Variants in DLG2 observed in about 807,000 individuals in gnomAD.
DLG2 encodes discs large MAGUK scaffold protein 2, also known as disks large homolog 2.
A neutral mutation model predicts 132.5 loss-of-function variants in DLG2; 45 were observed. That is an observed-to-expected ratio of 0.34 (90% confidence interval 0.27 to 0.44). The LOEUF (loss-of-function observed/expected upper bound fraction) is 0.44, where lower values mean the gene tolerates loss of function less well. Ranked by LOEUF, DLG2 falls within the 20% of genes least tolerant of loss-of-function variation. The pLI, the probability that DLG2 is intolerant of heterozygous loss-of-function variation, is 1.00. For missense variants in DLG2, 1,045 were observed against 1,196.9 expected (o/e 0.87, Z 1.87); for synonymous variants, 424 against 419.6 (o/e 1.01, Z -0.13).
intron 6 of DLG2, among the ~76,000 whole-genome samples, chr11:84,796,120 C>T (rs184972417): frequency 1.3e-5 from 2 of 152,298 alleles, no homozygotes; most frequent in East Asian, 3.9e-4. Context: ...GCTGGAAAAA[C>T]GATACCCCAA....
chr11:83,540,005 C>T (rs1178669830), intron 20 of DLG2, among the ~76,000 whole-genome samples: 1 of 152,060 alleles, frequency 6.6e-6, no homozygotes, highest in East Asian at 1.9e-4. Context: ...AATTTGAATC[C>T]CTTTTCTATC....
intron 3 of DLG2, among the ~76,000 whole-genome samples, chr11:85,363,639 T>G (rs964166980): frequency 9.2e-5 from 14 of 152,212 alleles, no homozygotes; most frequent in African/African-American, 3.1e-4. Flanking sequence ...TCCTGAAGGT[T>G]CACTGTGAAT....
intron 3 of DLG2, among the ~76,000 whole-genome samples, chr11:85,461,481 G>C (rs1423866604): frequency 6.6e-6 from 1 of 152,212 alleles, no homozygotes; most frequent in Non-Finnish European, 1.5e-5. Context: ...CCATATTTGA[G>C]TCTGACTATG....
At chr11:85,055,060 A>C (rs1378519287) in intron 6 of DLG2, among the ~76,000 whole-genome samples, 1 of 152,224 alleles carries the variant, frequency 6.6e-6, no homozygotes, top group Non-Finnish European at 1.5e-5. Flanking sequence ...CACAATATTT[A>C]GAATAAAGAA....
intron 2 of DLG2, among the ~76,000 whole-genome samples, chr11:85,624,079 A>C (rs1218611163): frequency 6.6e-6 from 1 of 152,220 alleles, no homozygotes; most frequent in South Asian, 2.1e-4. Context: ...AAAACCTTCT[A>C]TGAGGAAACA....
intron 16 of DLG2, among the ~76,000 whole-genome samples, chr11:83,864,247 T>C (rs765319449): frequency 3.3e-5 from 5 of 152,206 alleles, no homozygotes; most frequent in Admixed American, 6.5e-5. Flanking sequence ...GCTTGTTCTT[T>C]TGTTCTGTAA....
intron 6 of DLG2, among the ~76,000 whole-genome samples, chr11:84,839,594 T>C (rs534696559): frequency 9.9e-5 from 15 of 152,232 alleles, no homozygotes; most frequent in Non-Finnish European, 1.9e-4. Context: ...CTTCAAACTA[T>C]ATTACAAGGC....
intron 6 of DLG2, among the ~76,000 whole-genome samples, chr11:84,561,598 G>T (rs186541061): frequency 2.0e-3 from 303 of 152,156 alleles, no homozygotes; most frequent in African/African-American, 6.9e-3. Flanking sequence ...CATACCTCCT[G>T]CACCCAGCAA....
At chr11:85,057,741 G>C (rs10898351) in intron 6 of DLG2, among the ~76,000 whole-genome samples, 4 of 150,526 alleles carry the variant, frequency 2.7e-5, no homozygotes, top group Admixed American at 1.3e-4. Context: ...TAGCATGAAA[G>C]CAAAAAAAAG....
At chr11:83,720,316 A>AAAAAAAAAAAAAAAAAAAAAC (rs2088111417) in intron 18 of DLG2, among the ~76,000 whole-genome samples, 1 of 148,070 alleles carries the variant, frequency 6.8e-6, no homozygotes, top group African/African-American at 2.5e-5. Flanking sequence ...AAAAAAAAAA[A>AAAAAAAAAAAAAAAAAAAAAC]AAAAAAAAAA....
chr11:84,545,216 C>T, intron 6 of DLG2: 1 of 462,998 alleles, frequency 2.2e-6, no homozygotes, highest in Non-Finnish European at 4.2e-6. Flanking sequence ...AAGGATTGTC[C>T]TTCATCACCA....
intron 8 of DLG2, among the ~76,000 whole-genome samples, chr11:84,180,287 G>A (rs1052713119): frequency 6.6e-6 from 1 of 151,996 alleles, no homozygotes; most frequent in African/African-American, 2.4e-5. Context: ...CCCTTAGTTT[G>A]AGGATACAAT....
At chr11:83,464,236 C>T (rs1277299309) in intron 26 of DLG2, among the ~76,000 whole-genome samples, 2 of 152,222 alleles carry the variant, frequency 1.3e-5, no homozygotes, top group African/African-American at 4.8e-5. Context: ...CTTTCATACA[C>T]ATCTTTGATT....
chr11:85,478,633 T>C (rs1373053769), intron 3 of DLG2, among the ~76,000 whole-genome samples: 2 of 152,206 alleles, frequency 1.3e-5, no homozygotes, highest in East Asian at 3.9e-4. Flanking sequence ...TTTGCTTATT[T>C]GTAAAATACA....
At chr11:84,164,054 C>A (rs2095607536) in intron 8 of DLG2, among the ~76,000 whole-genome samples, 1 of 152,118 alleles carries the variant, frequency 6.6e-6, no homozygotes, top group Admixed American at 6.5e-5. Context: ...TTGGAAAGCC[C>A]TGGACCATAT....
At chr11:85,412,848 T>C (rs949467989) in intron 3 of DLG2, among the ~76,000 whole-genome samples, 23 of 151,274 alleles carry the variant, frequency 1.5e-4, no homozygotes, top group Admixed American at 2.7e-4. Context: ...GTTTTTGCAA[T>C]TGTAAACTGT....
At position 83,791,150 on chromosome 11, in the gene DLG2, G is replaced by C. The variant is rs1393868977; in HGVS notation, c.1723-4358C>G. On this transcript the variant is annotated intron_variant, in intron 17 of 27. Transcript: ENST00000376104. The stretch of plus-strand genomic sequence containing the variant: ...GATGCACGTCTCCTCAGAGTTTGTG[G>C]GTCGAAGAGGCCATGGCATGGGACT... 3 of 644,412 alleles carry C rather than the reference G, an allele frequency of 4.7e-6. No individual in the cohort carries two copies. The African/African-American group carries it at 5.5e-5, about 12-fold the overall frequency. The allele number at this position is 644,412 out of a possible 1,614,324, so 39.9% of individuals were successfully genotyped here. A position where few individuals can be genotyped will look rare whatever the true frequency, so the allele number is the denominator to read the frequency against.
chr11:84,248,885 CA>C (rs1185790691), intron 8 of DLG2, among the ~76,000 whole-genome samples: 1 of 151,848 alleles, frequency 6.6e-6, no homozygotes, highest in Non-Finnish European at 1.5e-5. Context: ...ACAGCAACAA[CA>C]AAAAAGATGA....
intron 18 of DLG2, among the ~76,000 whole-genome samples, chr11:83,634,006 T>C (rs189355549): frequency 4.0e-5 from 6 of 151,770 alleles, no homozygotes; most frequent in Admixed American, 6.6e-5. Flanking sequence ...CCCAACTCAA[T>C]AGGGTATTGA....
Sources: allele counts gnomAD v4.1 joint callset (sites outside exome capture counted in the v4.1 genomes callset), GRCh38; gene constraint gnomAD v4.1.1; transcripts MANE v1.5; gene names NCBI Gene and HGNC (gene_info 2026-07-23, HGNC 2026-07-21).